The following SYCP1 variants were observed in gnomAD, a reference collection of about 807,000 sequenced individuals.
SYCP1 encodes cancer/testis antigen 8.
SYCP1 carries 64 observed loss-of-function variants against 153.1 expected under a neutral mutation model. The observed-to-expected ratio is 0.42, with a 90% CI of 0.34 to 0.51. The LOEUF (loss-of-function observed/expected upper bound fraction) is 0.51. SYCP1 is among the 20% of genes least tolerant of loss of function. The probability of loss-of-function intolerance (pLI) is 0.06; values close to 1 mark genes in which losing one functional copy is unlikely to be tolerated. For missense variants in SYCP1, 997 were observed against 1,049.0 expected (o/e 0.95, Z 0.68); for synonymous variants, 384 against 341.8 (o/e 1.12, Z -1.36).
intron 27 of SYCP1, among the ~76,000 whole-genome samples, chr1:114,965,626 T>C (rs1457327268): frequency 6.6e-6 from 1 of 152,216 alleles, no homozygotes; most frequent in East Asian, 1.9e-4. Context: ...CATGTGGCTT[T>C]TACATGGTTC....
intron 12 of SYCP1, among the ~76,000 whole-genome samples, chr1:114,879,376 G>T: frequency 6.6e-6 from 1 of 152,062 alleles, no homozygotes; most frequent in Non-Finnish European, 1.5e-5. Flanking sequence ...ATTACTATAT[G>T]ATATACTCCA....
Position 114,994,918 on chromosome 1 carries a change from A to C in SYCP1, c.2830A>C (p.Lys944Gln). 6.2e-7 allele frequency: 1 copy of C among 1,608,952 alleles called. No homozygotes were observed. The highest frequency in any genetic ancestry group is 1.3e-5 in the African/African-American group (1 of 74,704). ...TCTAACAACCCCTGGATCTACACTG[A>C]AGTTTGGAGCTATAAGAAAAATGCG... ...SSLTTPGSTL[K>Q]FGAIRKMRED... Residue 944 changes from lysine (K) to glutamine (Q), a missense_variant, in exon 32 of 32, where the codon AAG becomes CAG. This residue lies in a region of SYCP1 where 712 missense variants were observed against 682.9 expected (regional missense o/e 1.04). Transcript: ENST00000369522.
intron 27 of SYCP1, among the ~76,000 whole-genome samples, chr1:114,954,177 A>G (rs1196681516): frequency 2.0e-5 from 3 of 152,216 alleles, no homozygotes; most frequent in African/African-American, 7.2e-5. Context: ...ACTAATTAAC[A>G]TGTCTATGAC....
chr1:114,940,953 A>G (rs184419124), intron 23 of SYCP1, among the ~76,000 whole-genome samples: 2 of 152,194 alleles, frequency 1.3e-5, no homozygotes, highest in Non-Finnish European at 2.9e-5. Flanking sequence ...TTTCAAGGCC[A>G]TATTATTGGG....
intron 27 of SYCP1, among the ~76,000 whole-genome samples, chr1:114,959,765 A>G (rs1239431423): frequency 6.6e-6 from 1 of 151,142 alleles, no homozygotes; most frequent in Non-Finnish European, 1.5e-5. Flanking sequence ...TCTGATAATC[A>G]TCCTTCTATT....
intron 27 of SYCP1, among the ~76,000 whole-genome samples, chr1:114,970,540 A>G (rs781615854): frequency 2.0e-5 from 3 of 151,096 alleles, no homozygotes; most frequent in Non-Finnish European, 2.9e-5. Flanking sequence ...TGGATAGACT[A>G]TGTCAGAGGA....
At chr1:114,937,072 A>C (rs1032672667) in intron 23 of SYCP1, among the ~76,000 whole-genome samples, 7 of 152,246 alleles carry the variant, frequency 4.6e-5, no homozygotes. Flanking sequence ...ACCAAAAAAG[A>C]GCCCGCATTG....
At chr1:114,872,006 C>CTTTTTTTTTTT (rs71582510) in intron 8 of SYCP1, among the ~76,000 whole-genome samples, 3 of 127,180 alleles carry the variant, frequency 2.4e-5, no homozygotes, top group Non-Finnish European at 3.3e-5. Context: ...CTTTCTTTTT[C>CTTTTTTTTTTT]TTTTTTTTTT....
Position 114,910,506 on chromosome 1 carries a change from G to C in SYCP1, c.1425+5G>C, listed in dbSNP as rs771226841. On this transcript the variant is annotated splice_donor_5th_base_variant and intron_variant, in intron 17 of 31. Transcript: ENST00000369522. ...GGTCTTCTCCAAGCCAGAGAGGTTTGTTTAAGGAAACATTTTTATTTTAAA... is the reference window on the plus strand; with the variant it reads ...GGTCTTCTCCAAGCCAGAGAGGTTTCTTTAAGGAAACATTTTTATTTTAAA... The C allele has an allele frequency of 6.7e-6, 10 of 1,500,402 alleles. No homozygotes were observed. The highest frequency in any genetic ancestry group is 2.7e-6 in the Non-Finnish European group (3 of 1,121,266). The allele number at this position is 1,500,402 out of a possible 1,614,324, so 92.9% of individuals were successfully genotyped here. A position where few individuals can be genotyped will look rare whatever the true frequency, so the allele number is the denominator to read the frequency against.
chr1:114,905,267 G>A (rs1031071279), intron 16 of SYCP1, among the ~76,000 whole-genome samples: 7 of 152,260 alleles, frequency 4.6e-5, no homozygotes, highest in East Asian at 1.9e-4. Context: ...AAGAAGCTTA[G>A]AGGCTGAAGA....
intron 27 of SYCP1, among the ~76,000 whole-genome samples, chr1:114,951,735 A>G (rs975229770): frequency 6.6e-6 from 1 of 152,244 alleles, no homozygotes; most frequent in African/African-American, 2.4e-5. Flanking sequence ...CATTGACACA[A>G]TTAAGATACA....
intron 23 of SYCP1, among the ~76,000 whole-genome samples, chr1:114,927,774 T>C (rs1358689367): frequency 1.3e-5 from 2 of 151,978 alleles, no homozygotes; most frequent in Non-Finnish European, 2.9e-5. Context: ...TATTTTTAAG[T>C]GTGTAATTGG....
intron 29 of SYCP1, among the ~76,000 whole-genome samples, chr1:114,982,405 C>T (rs924960117): frequency 6.6e-6 from 1 of 151,744 alleles, no homozygotes; most frequent in Non-Finnish European, 1.5e-5. Context: ...GTCTCTGAGA[C>T]TTTGTTTTTC....
intron 16 of SYCP1, among the ~76,000 whole-genome samples, chr1:114,909,495 T>TACACACACACACACAC (rs57520899): frequency 8.5e-5 from 9 of 106,502 alleles, no homozygotes; most frequent in African/African-American, 3.3e-4. Flanking sequence ...TCCCTTGCTG[T>TACACACACACACACAC]ACACACACAC....
At chr1:114,988,883 A>G (rs1673717717) in intron 30 of SYCP1, among the ~76,000 whole-genome samples, 1 of 152,012 alleles carries the variant, frequency 6.6e-6, no homozygotes, top group Admixed American at 6.6e-5. Flanking sequence ...AGTTTGTGAC[A>G]TCAATAACAG....
intron 8 of SYCP1, among the ~76,000 whole-genome samples, chr1:114,872,540 T>C (rs1251574184): frequency 6.6e-6 from 1 of 152,218 alleles, no homozygotes; most frequent in Non-Finnish European, 1.5e-5. Context: ...TTCTGTTCTC[T>C]GAGCTTTCTG....
At chr1:114,885,476 T>C (rs1324734940) in intron 12 of SYCP1, 59 bp from the exon 13 acceptor site, 1 of 971,724 alleles carries the variant, frequency 1.0e-6, no homozygotes, top group Non-Finnish European at 1.6e-6. Context: ...AAATAATACT[T>C]AGTTTTCTTG....
chr1:114,983,466 A>C (rs757151431), intron 29 of SYCP1, among the ~76,000 whole-genome samples: 1 of 152,036 alleles, frequency 6.6e-6, no homozygotes, highest in Non-Finnish European at 1.5e-5. Context: ...GGTTGAATGT[A>C]ATCAGCTATC....
chr1:114,953,771 T>C (rs1265978091), intron 27 of SYCP1, among the ~76,000 whole-genome samples: 1 of 152,230 alleles, frequency 6.6e-6, no homozygotes, highest in East Asian at 1.9e-4. Context: ...TTAGATGTTT[T>C]AGTACCTGTT....
Sources: allele counts gnomAD v4.1 joint callset (sites outside exome capture counted in the v4.1 genomes callset), GRCh38; gene constraint gnomAD v4.1.1; regional missense constraint gnomAD v4.1.1; transcripts MANE v1.5; gene names NCBI Gene and HGNC (gene_info 2026-07-23, HGNC 2026-07-21).